NPHP3: variants seen among roughly 807,000 people sequenced by gnomAD.
NPHP3 encodes nephrocystin-3.
A neutral mutation model predicts 171.9 loss-of-function variants in NPHP3; 123 were observed. The ratio of observed to expected loss-of-function variants is 0.72; its 90% confidence interval spans 0.62 to 0.83. The LOEUF (loss-of-function observed/expected upper bound fraction) is 0.83. Among genes scored for constraint, NPHP3 ranks in the 40% least tolerant of loss-of-function variants. NPHP3 has a pLI of 0.00. For missense variants in NPHP3, 1,506 were observed against 1,591.9 expected, an observed-to-expected ratio of 0.95 and a Z score of 0.92; for synonymous variants, 558 against 579.2, an observed-to-expected ratio of 0.96 and a Z score of 0.52.
In NPHP3 at chr3:132,713,223, A is replaced by C. The variant is rs1939961041; in HGVS notation, c.1021T>G (p.Phe341Val). Residue 341 changes from phenylalanine (F) to valine (V), a missense_variant, in exon 6 of 27, where the codon TTT becomes GTT. Around this residue, in one of 3 missense-constraint regions of NPHP3, gnomAD observed 930 missense variants for 924.9 expected, o/e 1.01. Coordinates refer to ENST00000337331, the MANE Select transcript of NPHP3 (RefSeq NM_153240.5). ...TATTGATTTTCAACATCTATTGGAA[A>C]ATAAACAGCATGGAAAAAATATCCC... ...TMGYFFHAVY[F>V]PIDVENQYLT... The C allele has an allele frequency of 6.3e-7, 1 of 1,599,926 alleles. No homozygotes were observed. Among genetic ancestry groups the C allele is most frequent in the South Asian group, 1.1e-5 (1 of 89,312 alleles).
At position 132,699,398 on chromosome 3, in the gene NPHP3, C is replaced by G; in HGVS notation, c.1940G>C (p.Arg647Thr). 6.2e-7 allele frequency: 1 copy of G among 1,612,844 alleles called. No homozygotes were observed. Among genetic ancestry groups the G allele is most frequent in the East Asian group, 2.2e-5 (1 of 44,864 alleles). ...TTCTACATTCACAGAAACAATTACT[C>G]TTACATTCACTGGCAGTGGATCTAT... is the stretch of plus-strand genomic sequence containing the variant. ...WLIDPLPVNV[R>T]VIVSVNVETC... The change falls in exon 13 of 27, where the codon AGA becomes ACA. Residue 647 changes from arginine (R) to threonine (T), a missense_variant. By Grantham distance (71) the Arg-to-Thr change is moderately conservative. Coordinates refer to ENST00000337331, the MANE Select transcript of NPHP3 (RefSeq NM_153240.5).
At chr3:132,714,567 T>TAA (rs1465736396) in intron 5 of NPHP3, among the ~76,000 whole-genome samples, 1 of 109,678 alleles carries the variant, frequency 9.1e-6, no homozygotes, top group Non-Finnish European at 2.1e-5. Context: ...AAAAAAAAAA[T>TAA]AAATAAATTA....
chr3:132,680,971 CAT>C lies in NPHP3; in HGVS notation c.*937_*938del, dbSNP rs1485867375. 6.6e-6 allele frequency: 1 copy of C among 152,128 alleles called. No homozygotes were observed. The highest frequency in any genetic ancestry group is 1.5e-5 in the Non-Finnish European group (1 of 68,006). 9.4% of individuals were successfully genotyped at this position (152,128 alleles called of 1,614,324 possible). ...AATGACTTCAGACATTATGCAGATA[CAT>C]ATACTATATAGTAATAAATAATACA... On this transcript the variant is annotated 3_prime_UTR_variant, in exon 27 of 27. Coordinates refer to ENST00000337331, the MANE Select transcript of NPHP3 (RefSeq NM_153240.5).
chr3:132,706,816 A>T (rs1188241223), intron 7 of NPHP3, among the ~76,000 whole-genome samples: 1 of 152,224 alleles, frequency 6.6e-6, no homozygotes, highest in Admixed American at 6.5e-5. Flanking sequence ...AGATAAATTA[A>T]TATCTTTTTT....
At chr3:132,719,272 G>A (rs138072052) in intron 2 of NPHP3, 128 bp from the exon 3 acceptor site, 2 of 737,786 alleles carry the variant, frequency 2.7e-6, no homozygotes, top group African/African-American at 3.5e-5. Context: ...CTCTTTCATA[G>A]GGTGAATGTC....
chr3:132,689,546 G>A (rs549077027), intron 19 of NPHP3, among the ~76,000 whole-genome samples: 1 of 152,190 alleles, frequency 6.6e-6, no homozygotes, highest in Non-Finnish European at 1.5e-5. Flanking sequence ...CACACAGTAA[G>A]TACTCCACGG....
intron 18 of NPHP3, 75 bp downstream of exon 18, chr3:132,691,117 T>C: frequency 8.9e-7 from 1 of 1,117,856 alleles, no homozygotes; most frequent in Non-Finnish European, 1.4e-6. Flanking sequence ...AGTTGTAAGC[T>C]AAGAAACAGA....
At chr3:132,694,420 A>T (rs1939393140) in intron 16 of NPHP3, among the ~76,000 whole-genome samples, 1 of 151,780 alleles carries the variant, frequency 6.6e-6, no homozygotes. Flanking sequence ...AAAGCTTTGT[A>T]TAATGAATGA....
intron 4 of NPHP3, 24 bp from the exon 5 acceptor site, chr3:132,715,242 C>A: frequency 6.2e-7 from 1 of 1,606,896 alleles, no homozygotes; most frequent in South Asian, 1.1e-5. Flanking sequence ...TTCTCAAGTT[C>A]ATGAAAAAAT....
chr3:132,699,954 G>A lies in NPHP3; in HGVS notation c.1851C>T (p.Ser617=), dbSNP rs1402361784. The A allele has an allele frequency of 1.9e-6, 3 of 1,614,148 alleles. No homozygotes were observed. Among genetic ancestry groups the A allele is most frequent in the Admixed American group, 1.7e-5 (1 of 60,010 alleles). The part of the protein sequence containing the change: ...LEKLSARHQG[S]IIIVIDSIDQ... ...CTATAGAATCAATAACGATGATGAT[G>A]CTGCCTTGATGACGAGCAGAGAGTT... The change falls in exon 12 of 27, where the codon AGC becomes AGT. Residue 617 remains serine (S), a synonymous_variant. Coordinates refer to ENST00000337331, the MANE Select transcript of NPHP3 (RefSeq NM_153240.5).
chr3:132,709,222 C>T (rs911227158), intron 6 of NPHP3, among the ~76,000 whole-genome samples: 1 of 147,502 alleles, frequency 6.8e-6, no homozygotes, highest in East Asian at 2.0e-4. Flanking sequence ...AGTCCTAGAA[C>T]TAATAATCTG....
chr3:132,705,636 T>C, intron 8 of NPHP3, 104 bp downstream of exon 8: 1 of 661,400 alleles, frequency 1.5e-6, no homozygotes, highest in East Asian at 2.7e-5. Context: ...CCTCAGGTAC[T>C]GTGTTCAAAA....
rs557663763 is a variant in NPHP3, at chr3:132,712,034, A to G, written c.1118+1092T>C. Among the ~76,000 whole-genome samples the G allele has an allele frequency of 2.0e-5, 3 of 152,392 alleles. No homozygotes were observed. In the East Asian group the frequency reaches 5.8e-4, roughly 29 times the overall value. On this transcript the variant is annotated intron_variant, in intron 6 of 26. Transcript: ENST00000337331. The stretch of plus-strand genomic sequence containing the variant: ...AAGCAAAATGCTTTGGAAAGGTTAA[A>G]TTTAGACAGTAAATCTAGAAAGAAA...
chr3:132,688,900 A>G lies in NPHP3; in HGVS notation c.2884-9T>C, dbSNP rs568196622. The G allele has an allele frequency of 1.9e-6, 3 of 1,613,854 alleles. No homozygotes were observed. Among genetic ancestry groups the G allele is most frequent in the Middle Eastern group, 1.6e-4 (1 of 6,062 alleles). On this transcript the variant is annotated splice_polypyrimidine_tract_variant and intron_variant, in intron 20 of 26. Coordinates refer to ENST00000337331, the MANE Select transcript of NPHP3 (RefSeq NM_153240.5). ...TGCAAAGGTACTATGGCCTGGGGGG[A>G]AAAGGGGTGAAAGGCCAGTTAAAGT...
chr3:132,690,813 C>T (rs1221644132), intron 18 of NPHP3, among the ~76,000 whole-genome samples, 163 bp from the exon 19 acceptor site: 1 of 151,918 alleles, frequency 6.6e-6, no homozygotes, highest in East Asian at 1.9e-4. Context: ...GAGACTTTAC[C>T]AATCTAAGAA....
At chr3:132,707,823 A>ACTG (rs1254415486) in intron 7 of NPHP3, among the ~76,000 whole-genome samples, 1 of 152,114 alleles carries the variant, frequency 6.6e-6, no homozygotes, top group East Asian at 1.9e-4. Flanking sequence ...CAGAAAGATC[A>ACTG]CTGTCAGATG....
At chr3:132,709,595 G>C (rs1576679918) in intron 6 of NPHP3, among the ~76,000 whole-genome samples, 1 of 151,892 alleles carries the variant, frequency 6.6e-6, no homozygotes. Context: ...CATCTACTGG[G>C]GTTTTCTACA....
At chr3:132,702,467 T>C (rs974071595) in intron 9 of NPHP3, among the ~76,000 whole-genome samples, 5 of 152,194 alleles carry the variant, frequency 3.3e-5, no homozygotes, top group Admixed American at 2.0e-4. Context: ...TCAAAACTGG[T>C]TCAAAGCTAA....
chr3:132,694,987 T>G (rs1164624998), intron 15 of NPHP3, 22 bp from the exon 16 acceptor site: 3 of 1,612,894 alleles, frequency 1.9e-6, no homozygotes, highest in Non-Finnish European at 2.5e-6. Flanking sequence ...GAGAAGAGAT[T>G]TAATTTCTTA....
Sources: allele counts gnomAD v4.1 joint callset (sites outside exome capture counted in the v4.1 genomes callset), GRCh38; gene constraint gnomAD v4.1.1; regional missense constraint gnomAD v4.1.1; transcripts MANE v1.5; gene names NCBI Gene and HGNC (gene_info 2026-07-23, HGNC 2026-07-21).